JAKMIP3: variants seen among roughly 807,000 people sequenced by gnomAD.
The protein encoded by JAKMIP3 is janus kinase and microtubule-interacting protein 3.
A neutral mutation model predicts 118.5 loss-of-function variants in JAKMIP3; 58 were observed. That is an observed-to-expected ratio of 0.49 (90% CI 0.40 to 0.61). The LOEUF (loss-of-function observed/expected upper bound fraction) is 0.61, where lower values mean the gene tolerates loss of function less well. Ranked by LOEUF, JAKMIP3 falls within the 20% of genes least tolerant of loss-of-function variation. JAKMIP3 has a pLI of 0.00. For missense variants in JAKMIP3, 950 were observed against 1,109.0 expected, an observed-to-expected ratio of 0.86 and a Z score of 2.04; for synonymous variants, 486 against 451.2, an observed-to-expected ratio of 1.08 and a Z score of -0.98.
chr10:132,138,525 C>A (rs963683846), intron 9 of JAKMIP3, among the ~76,000 whole-genome samples: 1 of 152,224 alleles, frequency 6.6e-6, no homozygotes, highest in African/African-American at 2.4e-5. Flanking sequence ...TAGTAGGAAT[C>A]AGTCTTTGGA....
chr10:132,146,116 G>T (rs2054550660), intron 13 of JAKMIP3, among the ~76,000 whole-genome samples: 1 of 152,022 alleles, frequency 6.6e-6, no homozygotes, highest in African/African-American at 2.4e-5. Flanking sequence ...AGAGGCTCCT[G>T]AAGTGCTGCC....
At position 132,102,045 on chromosome 10, in the gene JAKMIP3, C is replaced by A. The variant is rs1369270004; in HGVS notation, c.-137-2627C>A. ...GTCGCTCAAGTGTCAGCTGGTGTCT[C>A]CCCTTAGAGCAGCTTGTTATCAAGA... On this transcript the variant is annotated intron_variant, in intron 1 of 23. Transcript: ENST00000684848. Among the ~76,000 whole-genome samples the A allele has an allele frequency of 2.0e-5, 3 of 152,174 alleles. No individual in the cohort carries two copies. The East Asian group carries it at 5.8e-4, about 30-fold the overall frequency.
intron 3 of JAKMIP3, among the ~76,000 whole-genome samples, chr10:132,122,260 G>C (rs573385712): frequency 6.6e-6 from 1 of 151,406 alleles, no homozygotes; most frequent in Non-Finnish European, 1.5e-5. Flanking sequence ...ACTGCCCCCC[G>C]GTCGGCTCCC....
intron 23 of JAKMIP3, among the ~76,000 whole-genome samples, chr10:132,174,421 G>C (rs887502422): frequency 4.6e-5 from 7 of 151,896 alleles, no homozygotes; most frequent in African/African-American, 1.5e-4. Context: ...GCCTCCGTGG[G>C]CTCAGTGGGC....
chr10:132,065,130 C>T (rs889471040), upstream of JAKMIP3, among the ~76,000 whole-genome samples: 2 of 152,140 alleles, frequency 1.3e-5, no homozygotes, highest in Admixed American at 6.5e-5. This position sits in a 1 kb window ranked among gnomAD's most constrained non-coding sequence, Gnocchi z 5.6. Context: ...GCCACCCGCA[C>T]CGGCAGCCCT....
chr10:132,149,383 C>CGG (rs1208305558), intron 14 of JAKMIP3, 29 bp from the exon 15 acceptor site: 4 of 1,435,880 alleles, frequency 2.8e-6, no homozygotes, highest in Non-Finnish European at 2.9e-6. Context: ...GGGAGGGGAG[C>CGG]GGCTCACCCT....
In JAKMIP3 at chr10:132,141,908, G is replaced by A. The variant is rs1216994443; in HGVS notation, c.1474-12G>A. ...GTGTCTCTGTGCGTGTGTGGCATCC[G>A]TGTCTCTCCAGGGCATGGCCAAGGA... On this transcript the variant is annotated splice_polypyrimidine_tract_variant and intron_variant, in intron 10 of 23. Coordinates refer to ENST00000684848, the MANE Select transcript of JAKMIP3 (RefSeq NM_001323087.2). 8 of 1,589,484 alleles carry A rather than the reference G, an allele frequency of 5.0e-6. No homozygotes were observed. Among genetic ancestry groups the A allele is most frequent in the Admixed American group, 3.5e-5 (2 of 56,472 alleles).
chr10:132,084,472 A>G (rs1254487380), intron 1 of JAKMIP3, among the ~76,000 whole-genome samples: 3 of 152,212 alleles, frequency 2.0e-5, no homozygotes, highest in African/African-American at 7.2e-5. Flanking sequence ...ATACAATCAT[A>G]TCATCAGCAA....
chr10:132,055,017 C>T lies in JAKMIP3; in HGVS notation c.-138+18279C>T, dbSNP rs112425351. Among the ~76,000 whole-genome samples the T allele has an allele frequency of 3.5e-3, 530 of 151,926 alleles. 7 individuals are homozygous for T. Among genetic ancestry groups the T allele is most frequent in the African/African-American group, 0.012 (478 of 41,360 alleles). ...TAGTGAGAGTCCTGCCCTCCTACAC[C>T]GAGGATCCTCCGGTGCACTTGGAAG... On this transcript the variant is annotated intron_variant, in intron 1 of 23. Coordinates refer to the JAKMIP3 transcript ENST00000657785.
At chr10:132,153,058 C>G (rs750693447) in intron 17 of JAKMIP3, 35 bp downstream of exon 17, 8 of 1,547,254 alleles carry the variant, frequency 5.2e-6, no homozygotes, top group Non-Finnish European at 7.1e-6. Flanking sequence ...GGGAGAGGGC[C>G]GGGCTCCTGG....
intron 2 of JAKMIP3, among the ~76,000 whole-genome samples, chr10:132,107,602 T>G (rs1589828092): frequency 6.6e-6 from 1 of 152,230 alleles, no homozygotes; most frequent in Non-Finnish European, 1.5e-5. Context: ...GTTTCCTGCA[T>G]AAGCGATCTG....
rs981655429 is a variant in JAKMIP3 at position 132,044,874 on chromosome 10, A to C, written c.-138+8136A>C. Among the ~76,000 whole-genome samples, 5 of 151,086 alleles carry C rather than the reference A, an allele frequency of 3.3e-5. No individual in the cohort carries two copies. The highest frequency in any genetic ancestry group is 7.3e-5 in the African/African-American group (3 of 40,980). On this transcript the variant is annotated intron_variant, in intron 1 of 23. Transcript: ENST00000657785. The surrounding 1 kb of genome is among the most constrained non-coding windows in gnomAD (Gnocchi z 5.3). ...GGCCTCAGCTGAGTAGAATCATGGT[A>C]TTTGTGCGTGTGTGTGACTGGCGTG...
chr10:132,137,319 G>A (rs371357305), intron 8 of JAKMIP3, 30 bp downstream of exon 8: 160 of 1,613,154 alleles, frequency 9.9e-5, no homozygotes, highest in Admixed American at 1.2e-4. Context: ...GCTTCCCCAC[G>A]CCTCCGCTCC....
rs2048077405 is a variant in JAKMIP3, at chr10:132,118,547, G to C, written c.633+973G>C. The stretch of plus-strand genomic sequence containing the variant: ...CCCGGGGCCTCCGGTCTCCAGGGAT[G>C]GCCTCCAGGCTGGGCCAGCATGTGG... On this transcript the variant is annotated intron_variant, in intron 3 of 23. Transcript: ENST00000684848. The surrounding 1 kb of genome is among the most constrained non-coding windows in gnomAD (Gnocchi z 4.8). Among the ~76,000 whole-genome samples the C allele has an allele frequency of 6.6e-6, 1 of 152,214 alleles. No homozygotes were observed. Among genetic ancestry groups the C allele is most frequent in the South Asian group, 2.1e-4 (1 of 4,830 alleles).
upstream of JAKMIP3, among the ~76,000 whole-genome samples, chr10:132,063,195 A>G (rs7099900): frequency 0.18 from 28,018 of 152,156 alleles, 2,666 homozygotes; most frequent in East Asian, 0.3. Context: ...CTGTGGGATC[A>G]GACTTGGGCC....
chr10:132,081,026 C>T (rs1192635865), intron 1 of JAKMIP3, among the ~76,000 whole-genome samples: 3 of 152,182 alleles, frequency 2.0e-5, no homozygotes, highest in African/African-American at 4.8e-5. Flanking sequence ...AGATCATCCC[C>T]TAAGTGTCAT....
In JAKMIP3 at chr10:132,166,522, C is replaced by T. The variant is rs1201528629; in HGVS notation, c.2491-461C>T. ...TTTGCTGCTTACGGTGGGACTGAGA[C>T]CACAATATTCTCACAGGCCTGCTTT... On this transcript the variant is annotated intron_variant, in intron 21 of 23. Coordinates refer to ENST00000684848, the MANE Select transcript of JAKMIP3 (RefSeq NM_001323087.2). 5.9e-5 allele frequency among the ~76,000 whole-genome samples: 9 copies of T among 152,154 alleles called. 1 individual carries two copies. Among genetic ancestry groups the T allele is most frequent in the Admixed American group, 5.9e-4 (9 of 15,276 alleles).
At chr10:132,129,632 G>C (rs892165694) in intron 3 of JAKMIP3, among the ~76,000 whole-genome samples, 2 of 152,128 alleles carry the variant, frequency 1.3e-5, no homozygotes, top group Non-Finnish European at 2.9e-5. Context: ...TAGGGGAGGC[G>C]GGGCCCCGTG....
At chr10:132,139,252 GTGTGTGTGTGTA>G (rs2052729844) in intron 9 of JAKMIP3, among the ~76,000 whole-genome samples, 1 of 127,658 alleles carries the variant, frequency 7.8e-6, no homozygotes, top group African/African-American at 3.2e-5. Context: ...GTGTGTGTAT[GTGTGTGTGTGTA>G]TGTGTGTACA....
Sources: gnomAD v4.1 joint callset for allele counts (sites outside exome capture counted in the v4.1 genomes callset) on GRCh38, gnomAD v4.1.1 for gene constraint, Gnocchi (gnomAD v3.1) non-coding constraint, MANE v1.5 for transcripts, NCBI Gene and HGNC (gene_info 2026-07-23, HGNC 2026-07-21) for gene names.